Variants in RAB11FIP3 observed in about 807,000 individuals in gnomAD.
RAB11FIP3 encodes the protein rab11 family-interacting protein 3.
A neutral mutation model predicts 77.8 loss-of-function variants in RAB11FIP3; 17 were observed. The observed-to-expected ratio is 0.22, with a 90% CI of 0.15 to 0.33. The LOEUF (loss-of-function observed/expected upper bound fraction) is 0.33, where lower values mean the gene tolerates loss of function less well. Among genes scored for constraint, RAB11FIP3 ranks in the 10% least tolerant of loss-of-function variants. The pLI, the probability that RAB11FIP3 is intolerant of heterozygous loss-of-function variation, is 1.00. For missense variants in RAB11FIP3, 1,005 were observed against 1,011.2 expected (o/e 0.99, Z 0.08); for synonymous variants, 437 against 448.2 (o/e 0.98, Z 0.31).
chr16:484,717 G>A (rs979249744), intron 4 of RAB11FIP3, among the ~76,000 whole-genome samples: 2 of 152,168 alleles, frequency 1.3e-5, no homozygotes, highest in Non-Finnish European at 2.9e-5. Flanking sequence ...TTGCGAGAGC[G>A]TGCTGCGACT....
chr16:426,036 G>A lies in RAB11FIP3; in HGVS notation c.30G>A (p.Pro10=). 1.0e-6 allele frequency: 1 copy of A among 993,572 alleles called. No homozygotes were observed. The highest frequency in any genetic ancestry group is 1.2e-6 in the Non-Finnish European group (1 of 837,164). 61.5% of individuals were successfully genotyped at this position (993,572 alleles called of 1,614,324 possible). The part of the protein sequence containing the change: MASAPPASP[P]GSEPPGPDPE... ...CGTCGGCCCCGCCGGCCTCGCCCCC[G>A]GGCTCGGAGCCGCCGGGGCCCGACC... The change falls in exon 1 of 14, where the codon CCG becomes CCA. Residue 10 remains proline (P), a synonymous_variant. Coordinates refer to ENST00000262305, the MANE Select transcript of RAB11FIP3 (RefSeq NM_014700.4). This position sits in a 1 kb window ranked among gnomAD's most constrained non-coding sequence, Gnocchi z 5.0.
chr16:491,765 G>A (rs909354956), intron 5 of RAB11FIP3, among the ~76,000 whole-genome samples: 1 of 152,204 alleles, frequency 6.6e-6, no homozygotes, highest in Non-Finnish European at 1.5e-5. Context: ...TACAGAAGAC[G>A]GTTTTGAGTG....
chr16:506,965 T>G lies in RAB11FIP3; in HGVS notation c.1499+1338T>G, dbSNP rs753049797. 4.1e-4 allele frequency among the ~76,000 whole-genome samples: 63 copies of G among 152,108 alleles called. No individual in the cohort carries two copies. Among genetic ancestry groups the G allele is most frequent in the Admixed American group, 1.2e-3 (18 of 15,276 alleles). On this transcript the variant is annotated intron_variant, in intron 8 of 13. Coordinates refer to ENST00000262305, the MANE Select transcript of RAB11FIP3 (RefSeq NM_014700.4). This position sits in a 1 kb window ranked among gnomAD's most constrained non-coding sequence, Gnocchi z 4.5. Reference sequence around the variant, plus strand: ...AATCCGGGGGGCTGCCAGATGCACTTGTTTTGTTTTGTTTTTTGAGAGACA... The same window carrying G: ...AATCCGGGGGGCTGCCAGATGCACTGGTTTTGTTTTGTTTTTTGAGAGACA...
Position 505,702 on chromosome 16 carries a change from C to A in RAB11FIP3, c.1499+75C>A. ...CGCCTGTCAGCCCCCATTTACTTCTCTTTACCTCACACAGCAGGGGCTTGG... is the reference window on the plus strand; with the variant it reads ...CGCCTGTCAGCCCCCATTTACTTCTATTTACCTCACACAGCAGGGGCTTGG... On this transcript the variant is annotated intron_variant, in intron 8 of 13. Transcript: ENST00000262305. The surrounding 1 kb of genome is among the most constrained non-coding windows in gnomAD (Gnocchi z 4.0). The A allele has an allele frequency of 5.6e-6, 7 of 1,260,812 alleles. No individual in the cohort carries two copies. The highest frequency in any genetic ancestry group is 7.7e-6 in the Non-Finnish European group (7 of 910,274). The allele number at this position is 1,260,812 out of a possible 1,614,324, so 78.1% of individuals were successfully genotyped here.
intron 5 of RAB11FIP3, among the ~76,000 whole-genome samples, chr16:494,523 G>C (rs528723803): frequency 6.6e-6 from 1 of 152,098 alleles, no homozygotes; most frequent in African/African-American, 2.4e-5. Context: ...TCGGGAGGCT[G>C]AGGCCGGAGA....
At chr16:460,380 C>T (rs547715986) in intron 1 of RAB11FIP3, among the ~76,000 whole-genome samples, 4 of 152,086 alleles carry the variant, frequency 2.6e-5, no homozygotes, top group African/African-American at 7.2e-5. Flanking sequence ...CATAGGCAAA[C>T]GTGTGCCATG....
rs918357687 is a variant in RAB11FIP3 at position 473,883 on chromosome 16, G to A, written c.903+2494G>A. On this transcript the variant is annotated intron_variant, in intron 3 of 13. Coordinates refer to ENST00000262305, the MANE Select transcript of RAB11FIP3 (RefSeq NM_014700.4). Reference sequence around the variant, plus strand: ...CCTCACACCAGCCCCCACAACCACCGATCCTCCGTGTCTCCACAGCTCTGC... The same window carrying A: ...CCTCACACCAGCCCCCACAACCACCAATCCTCCGTGTCTCCACAGCTCTGC... 4.0e-5 allele frequency among the ~76,000 whole-genome samples: 6 copies of A among 151,678 alleles called. No individual in the cohort carries two copies. The East Asian group carries it at 7.8e-4, about 20-fold the overall frequency.
At chr16:427,460 A>G (rs150916956) in intron 1 of RAB11FIP3, among the ~76,000 whole-genome samples, 34 of 152,328 alleles carry the variant, frequency 2.2e-4, no homozygotes, top group African/African-American at 8.2e-4. Context: ...GAAGGGGTCC[A>G]CGCGGTCCTC....
chr16:457,327 G>C lies in RAB11FIP3; in HGVS notation c.715-4077G>C, dbSNP rs1297485854. ...AATTTGTCAGTAAGTTTTTCATACTGCAGTCACCCTGGAGCCAGTGACTGA... is the reference window on the plus strand; with the variant it reads ...AATTTGTCAGTAAGTTTTTCATACTCCAGTCACCCTGGAGCCAGTGACTGA... On this transcript the variant is annotated intron_variant, in intron 1 of 13. Transcript: ENST00000262305. 2.0e-5 allele frequency among the ~76,000 whole-genome samples: 3 copies of C among 152,094 alleles called. 1 individual carries two copies. Among genetic ancestry groups the C allele is most frequent in the Admixed American group, 2.0e-4 (3 of 15,270 alleles).
rs56228402 is a variant in RAB11FIP3 at position 480,286 on chromosome 16, C to CAAAAAAAAA, written c.904-2227_904-2219dup. Among the ~76,000 whole-genome samples the CAAAAAAAAA allele has an allele frequency of 1.3e-3, 104 of 79,984 alleles. 4 individuals carry two copies. Among genetic ancestry groups the CAAAAAAAAA allele is most frequent in the African/African-American group, 4.4e-3 (92 of 20,744 alleles). The allele number at this position is 79,984 out of a possible 152,430, so 52.5% of individuals were successfully genotyped here. On this transcript the variant is annotated intron_variant, in intron 3 of 13. Coordinates refer to ENST00000262305, the MANE Select transcript of RAB11FIP3 (RefSeq NM_014700.4). ...GGCAGGAAGAGTAAAACTCCTTCTC[C>CAAAAAAAAA]AAAAAAAAAAAAAAAAAAAAGTTGA...
intron 3 of RAB11FIP3, chr16:474,739 A>G: frequency 2.4e-6 from 3 of 1,229,682 alleles, no homozygotes; most frequent in Non-Finnish European, 3.2e-6. Context: ...AGGAAGCCAA[A>G]AACAAAAGCC....
intron 9 of RAB11FIP3, among the ~76,000 whole-genome samples, chr16:518,163 T>C (rs895059305): frequency 3.9e-5 from 6 of 152,354 alleles, no homozygotes; most frequent in Non-Finnish European, 4.4e-5. Flanking sequence ...ACTGCAGCCT[T>C]GTACTTCCAG....
chr16:439,227 A>G (rs2055183966), intron 1 of RAB11FIP3: 2 of 152,240 alleles, frequency 1.3e-5, no homozygotes. Context: ...AAATTCTTTA[A>G]GTAGGTACAG....
intron 1 of RAB11FIP3, among the ~76,000 whole-genome samples, chr16:429,750 G>C (rs1321040475): frequency 6.6e-6 from 1 of 152,008 alleles, no homozygotes; most frequent in South Asian, 2.1e-4. Flanking sequence ...CACCCGCCTC[G>C]GCCTCCCAAA....
intron 6 of RAB11FIP3, among the ~76,000 whole-genome samples, chr16:502,251 C>T (rs1289204280): frequency 1.3e-5 from 2 of 152,254 alleles, no homozygotes; most frequent in South Asian, 2.1e-4. Flanking sequence ...GCGCTTACTG[C>T]GCGCCTAAGT....
chr16:458,173 C>A (rs2063059187), intron 1 of RAB11FIP3, among the ~76,000 whole-genome samples: 1 of 152,236 alleles, frequency 6.6e-6, no homozygotes, highest in African/African-American at 2.4e-5. Context: ...GCGAGAGGGC[C>A]AGCCACGGGG....
chr16:493,251 CAAAAAAA>C (rs71139788), intron 5 of RAB11FIP3, among the ~76,000 whole-genome samples: 3,994 of 102,464 alleles, frequency 0.039, 161 homozygotes, highest in African/African-American at 0.12. Flanking sequence ...ACTCTGACTC[CAAAAAAA>C]AAAAAAAAAA....
At chr16:508,249 C>T (rs951562680) in intron 8 of RAB11FIP3, among the ~76,000 whole-genome samples, 1 of 152,220 alleles carries the variant, frequency 6.6e-6, no homozygotes, top group Non-Finnish European at 1.5e-5. Context: ...ACTGAGGAAC[C>T]TCTGGTGCCG....
chr16:522,385 G>A lies in RAB11FIP3; in HGVS notation c.*1546G>A, dbSNP rs1253274634. On this transcript the variant is annotated 3_prime_UTR_variant, in exon 14 of 14. Coordinates refer to ENST00000262305, the MANE Select transcript of RAB11FIP3 (RefSeq NM_014700.4). ...TAAGCATGGACTCCCAGGAGACAGT[G>A]TGGGAAACGCTCCTGCTTTAATTCC... 2 of 152,104 alleles carry A rather than the reference G, an allele frequency of 1.3e-5. No homozygotes were observed. The highest frequency in any genetic ancestry group is 2.9e-5 in the Non-Finnish European group (2 of 67,984). 9.4% of individuals were successfully genotyped at this position (152,104 alleles called of 1,614,324 possible). A position where few individuals can be genotyped will look rare whatever the true frequency, so the allele number is the denominator to read the frequency against.
Sources: allele counts gnomAD v4.1 joint callset (sites outside exome capture counted in the v4.1 genomes callset), GRCh38; gene constraint gnomAD v4.1.1; non-coding constraint Gnocchi (gnomAD v3.1); transcripts MANE v1.5; gene names NCBI Gene and HGNC (gene_info 2026-07-23, HGNC 2026-07-21).